Variants in MAMDC2 observed in about 807,000 individuals in gnomAD.
MAMDC2 encodes the protein MAM domain containing 2.
Under a neutral mutation model 89.8 loss-of-function variants are expected in MAMDC2, and 57 were observed. That is an observed-to-expected ratio of 0.63 (90% CI 0.51 to 0.79). The LOEUF is 0.79. MAMDC2 is among the 30% of genes least tolerant of loss of function. The probability of loss-of-function intolerance (pLI) is 0.00; values close to 1 mark genes in which losing one functional copy is unlikely to be tolerated. For synonymous variants in MAMDC2, 313 were observed against 293.4 expected, an observed-to-expected ratio of 1.07 and a Z score of -0.68; for missense variants, 800 against 820.6, an observed-to-expected ratio of 0.97 and a Z score of 0.31.
At chr9:70,221,407 A>AGAGAGAGAGAGAGAGAGAGAGG (rs1491076799) in intron 12 of MAMDC2, among the ~76,000 whole-genome samples, 8 of 119,896 alleles carry the variant, frequency 6.7e-5, no homozygotes, top group African/African-American at 2.5e-4. Flanking sequence ...AGAGAGAGAG[A>AGAGAGAGAGAGAGAGAGAGAGG]GTAACATCAG....
At position 70,222,854 on chromosome 9, in the gene MAMDC2, G is replaced by T. The variant is rs73647446; in HGVS notation, c.1912-2896G>T. Among the ~76,000 whole-genome samples, 846 of 152,186 alleles carry T rather than the reference G, an allele frequency of 5.6e-3. 6 individuals carry two copies. The highest frequency in any genetic ancestry group is 0.02 in the African/African-American group (812 of 41,494). On this transcript the variant is annotated intron_variant, in intron 12 of 13. Transcript: ENST00000377182. ...CACTGCATACTCAGCTAAGACTCAG[G>T]TTGGCAGGGTGCGGTGGCTTACACC...
chr9:70,170,513 C>G lies in MAMDC2; in HGVS notation c.1533C>G (p.Phe511Leu), dbSNP rs138814027. Reference protein sequence around the residue: ...KLPPPPGECTFEQDECTFTQE... With the variant: ...KLPPPPGECTLEQDECTFTQE... ...CACCTCCACCTGGAGAGTGTACTTT[C>G]GAGCAAGATGAATGTACATTTACTC... The change falls in exon 11 of 14, where the codon TTC (phenylalanine) becomes TTG (leucine). Residue 511 changes from phenylalanine to leucine, a missense_variant. Physicochemically the swap from Phe to Leu is conservative, Grantham distance 22 (BLOSUM62 0). Coordinates refer to ENST00000377182, the MANE Select transcript of MAMDC2 (RefSeq NM_153267.5). 9 of 1,612,128 alleles carry G rather than the reference C, an allele frequency of 5.6e-6. No homozygotes were observed. The highest frequency in any genetic ancestry group is 1.7e-5 in the Admixed American group (1 of 59,754).
At chr9:70,195,379 G>A (rs1178093568) in intron 11 of MAMDC2, among the ~76,000 whole-genome samples, 6 of 152,164 alleles carry the variant, frequency 3.9e-5, no homozygotes, top group Admixed American at 2.0e-4. Flanking sequence ...ATTTCCTGCC[G>A]CCATTTACTT....
chr9:70,061,120 CA>C (rs1827140963), intron 2 of MAMDC2, among the ~76,000 whole-genome samples: 1 of 152,138 alleles, frequency 6.6e-6, no homozygotes, highest in African/African-American at 2.4e-5. Flanking sequence ...GTATTACAAC[CA>C]AGAGTTTACA....
intron 5 of MAMDC2, among the ~76,000 whole-genome samples, chr9:70,124,175 G>A (rs528586143): frequency 2.6e-5 from 4 of 152,270 alleles, no homozygotes; most frequent in African/African-American, 9.6e-5. Flanking sequence ...CTCACCCCAA[G>A]CCGGTTATTG....
intron 2 of MAMDC2, among the ~76,000 whole-genome samples, chr9:70,045,585 C>T (rs761346250): frequency 3.9e-5 from 6 of 152,066 alleles, no homozygotes; most frequent in Non-Finnish European, 7.4e-5. Context: ...CTCAATTGTC[C>T]TCAGGCCGCA....
intron 4 of MAMDC2, among the ~76,000 whole-genome samples, chr9:70,112,720 C>A (rs1257217127): frequency 6.6e-6 from 1 of 152,058 alleles, no homozygotes; most frequent in African/African-American, 2.4e-5. Flanking sequence ...TATGGAGACA[C>A]AGAGGCTACA....
intron 11 of MAMDC2, among the ~76,000 whole-genome samples, chr9:70,203,466 T>C (rs1219462240): frequency 7.1e-6 from 1 of 140,442 alleles, no homozygotes; most frequent in Non-Finnish European, 1.5e-5. Flanking sequence ...TAACCCGACC[T>C]TTCTCTCTGG....
chr9:70,073,443 T>C (rs1827455084), intron 2 of MAMDC2, among the ~76,000 whole-genome samples: 1 of 152,200 alleles, frequency 6.6e-6, no homozygotes, highest in South Asian at 2.1e-4. Context: ...GAGTGGACTC[T>C]CACTTTATCT....
intron 2 of MAMDC2, among the ~76,000 whole-genome samples, chr9:70,051,730 T>C (rs3015233): frequency 0.96 from 145,506 of 152,302 alleles, 69,571 homozygotes; most frequent in East Asian, 1. Flanking sequence ...CCCTGATTTT[T>C]GTGTCTAACA....
chr9:70,170,401 AC>A (rs2032301914), intron 10 of MAMDC2, 77 bp from the exon 11 acceptor site: 2 of 1,484,484 alleles, frequency 1.3e-6, no homozygotes, highest in African/African-American at 1.4e-5. Flanking sequence ...CAACATTCAT[AC>A]ATGCAGAGTG....
chr9:70,071,810 T>C (rs898876609), intron 2 of MAMDC2: 1 of 152,062 alleles, frequency 6.6e-6, no homozygotes, highest in Non-Finnish European at 1.5e-5. Context: ...GCACGTGAGC[T>C]TGGAGAATAT....
intron 11 of MAMDC2, among the ~76,000 whole-genome samples, chr9:70,211,113 T>C (rs1301429296): frequency 6.6e-6 from 1 of 152,214 alleles, no homozygotes; most frequent in Non-Finnish European, 1.5e-5. Flanking sequence ...TTGGGATTGC[T>C]CTTCTCGAGG....
chr9:70,061,147 C>T (rs939457754), intron 2 of MAMDC2, among the ~76,000 whole-genome samples: 1 of 152,162 alleles, frequency 6.6e-6, no homozygotes, highest in Non-Finnish European at 1.5e-5. Context: ...GTTCTCCAGG[C>T]CCACTTAAAT....
chr9:70,101,205 G>T (rs1828183112), intron 2 of MAMDC2, among the ~76,000 whole-genome samples: 1 of 152,044 alleles, frequency 6.6e-6, no homozygotes, highest in South Asian at 2.1e-4. Context: ...TAATAATAAG[G>T]ATATAAGGAA....
At chr9:70,166,605 C>T (rs2118516642) in intron 9 of MAMDC2, among the ~76,000 whole-genome samples, 1 of 152,000 alleles carries the variant, frequency 6.6e-6, no homozygotes, top group East Asian at 1.9e-4. Context: ...GATAATTGTG[C>T]CGTAGTTCAT....
rs114030955 is a variant in MAMDC2, at chr9:70,125,239, G to T, written c.644-920G>T. Among the ~76,000 whole-genome samples the T allele has an allele frequency of 1.1e-3, 164 of 152,316 alleles. 1 individual carries two copies. Among genetic ancestry groups the T allele is most frequent in the African/African-American group, 3.9e-3 (161 of 41,556 alleles). ...TAGAATTGTGAATGGCGTTGTAATT[G>T]TTAGACAGCTACAATGTACCAGGCA... On this transcript the variant is annotated intron_variant, in intron 5 of 13. Transcript: ENST00000377182.
intron 7 of MAMDC2, among the ~76,000 whole-genome samples, chr9:70,134,574 G>A (rs943865057): frequency 6.6e-6 from 1 of 152,108 alleles, no homozygotes; most frequent in Non-Finnish European, 1.5e-5. Flanking sequence ...CCCAGTGACT[G>A]GGTATATCCT....
At chr9:70,071,449 C>T (rs1024335696) in intron 2 of MAMDC2, 3 of 152,066 alleles carry the variant, frequency 2.0e-5, no homozygotes, top group Admixed American at 1.3e-4. Flanking sequence ...CTTCTAATTT[C>T]GTAGGATTGA....
Sources: allele counts gnomAD v4.1 joint callset (sites outside exome capture counted in the v4.1 genomes callset), GRCh38; gene constraint gnomAD v4.1.1; transcripts MANE v1.5; gene names NCBI Gene and HGNC (gene_info 2026-07-23, HGNC 2026-07-21).